PSMA1: variants seen among roughly 807,000 people sequenced by gnomAD.
PSMA1 encodes proteasome subunit alpha type-1.
Under a neutral mutation model 38.4 loss-of-function variants are expected in PSMA1, and 3 were observed. The observed-to-expected ratio is 0.08, with a 90% CI of 0.04 to 0.20. The LOEUF (loss-of-function observed/expected upper bound fraction) is 0.20. PSMA1 is among the 10% of genes least tolerant of loss of function. The probability of loss-of-function intolerance (pLI) is 1.00; values close to 1 mark genes in which losing one functional copy is unlikely to be tolerated. For missense variants in PSMA1, 227 were observed against 325.3 expected (o/e 0.70, Z 2.32); for synonymous variants, 101 against 107.1 (o/e 0.94, Z 0.35).
At chr11:14,629,397 T>G in intron 1 of PSMA1, among the ~76,000 whole-genome samples, 1 of 152,308 alleles carries the variant, frequency 6.6e-6, no homozygotes, top group Middle Eastern at 3.4e-3. Flanking sequence ...GCTAGCCAGT[T>G]TTTCCAGCAC....
chr11:14,605,521 C>T (rs1280473506), intron 2 of PSMA1, among the ~76,000 whole-genome samples: 4 of 152,050 alleles, frequency 2.6e-5, no homozygotes, highest in African/African-American at 9.7e-5. Flanking sequence ...GTAGCTAGGA[C>T]TACAGGCATG....
chr11:14,623,238 G>A (rs921431557), intron 1 of PSMA1, among the ~76,000 whole-genome samples: 3 of 152,176 alleles, frequency 2.0e-5, no homozygotes, highest in Non-Finnish European at 4.4e-5. Context: ...ATGGCCATAT[G>A]GGGGCCCCGT....
intron 7 of PSMA1, 184 bp downstream of exon 7, chr11:14,513,385 TG>T: frequency 3.4e-6 from 2 of 581,052 alleles, no homozygotes. Context: ...GAAACTACTG[TG>T]GTAACCAGAA....
At chr11:14,575,990 T>A (rs1344862137) in intron 2 of PSMA1, among the ~76,000 whole-genome samples, 1 of 152,208 alleles carries the variant, frequency 6.6e-6, no homozygotes, top group East Asian at 1.9e-4. Flanking sequence ...TGGTTTTGAT[T>A]TGTATTTCTC....
chr11:14,518,258 C>T (rs547657252), intron 2 of PSMA1, among the ~76,000 whole-genome samples: 2 of 152,102 alleles, frequency 1.3e-5, no homozygotes, highest in East Asian at 1.9e-4. Context: ...AGCACCACCA[C>T]GCCCAGCTAA....
At chr11:14,642,338 A>AT (rs1294084037) in intron 1 of PSMA1, among the ~76,000 whole-genome samples, 12 of 145,162 alleles carry the variant, frequency 8.3e-5, no homozygotes, top group African/African-American at 3.0e-4. Flanking sequence ...TGAAATGAGC[A>AT]TTTTTTTTCT....
chr11:14,577,285 G>A (rs1402243879), intron 2 of PSMA1, among the ~76,000 whole-genome samples: 2 of 152,114 alleles, frequency 1.3e-5, no homozygotes, highest in Admixed American at 6.5e-5. Context: ...TTCTGTAGTG[G>A]TACAGATGAG....
chr11:14,540,967 A>T (rs910367918), intron 2 of PSMA1, among the ~76,000 whole-genome samples: 9 of 152,276 alleles, frequency 5.9e-5, no homozygotes, highest in Middle Eastern at 3.4e-3. Flanking sequence ...GAGGGATAGC[A>T]TTCGGAGATA....
chr11:14,532,612 A>T (rs1448241649), intron 2 of PSMA1, among the ~76,000 whole-genome samples: 2 of 150,968 alleles, frequency 1.3e-5, no homozygotes, highest in African/African-American at 4.9e-5. Context: ...CTCAAAAAAA[A>T]AAAAAAAGGG....
intron 2 of PSMA1, among the ~76,000 whole-genome samples, chr11:14,537,625 A>G (rs1028208809): frequency 2.6e-5 from 4 of 151,404 alleles, no homozygotes; most frequent in Middle Eastern, 3.4e-3. Flanking sequence ...TTAATTATAA[A>G]TATAACATTA....
chr11:14,614,170 A>G (rs1852742088), intron 1 of PSMA1, among the ~76,000 whole-genome samples: 1 of 152,176 alleles, frequency 6.6e-6, no homozygotes, highest in Admixed American at 6.5e-5. Context: ...CTCAGTTTTA[A>G]AAACTGAGGG....
intron 2 of PSMA1, among the ~76,000 whole-genome samples, chr11:14,533,830 G>A (rs1648825813): frequency 6.6e-6 from 1 of 152,072 alleles, no homozygotes; most frequent in African/African-American, 2.4e-5. Flanking sequence ...AAAATCTGAA[G>A]TCTAGATACT....
At chr11:14,622,846 G>C (rs1034970564) in intron 1 of PSMA1, among the ~76,000 whole-genome samples, 1 of 152,130 alleles carries the variant, frequency 6.6e-6, no homozygotes, top group Non-Finnish European at 1.5e-5. Flanking sequence ...AACATGCAGT[G>C]TCTTACGGCA....
At chr11:14,593,894 C>G (rs1040016158) in intron 2 of PSMA1, among the ~76,000 whole-genome samples, 3 of 152,186 alleles carry the variant, frequency 2.0e-5, no homozygotes, top group Non-Finnish European at 2.9e-5. Flanking sequence ...CACCCTCAGG[C>G]CCTTAGCCTG....
At chr11:14,554,793 A>C (rs1851925228) in intron 2 of PSMA1, among the ~76,000 whole-genome samples, 1 of 152,172 alleles carries the variant, frequency 6.6e-6, no homozygotes, top group Admixed American at 6.5e-5. Flanking sequence ...CATTGTTCTA[A>C]GTACTTCACA....
At chr11:14,585,027 G>A (rs1029281449) in intron 2 of PSMA1, among the ~76,000 whole-genome samples, 5 of 152,212 alleles carry the variant, frequency 3.3e-5, no homozygotes, top group Non-Finnish European at 7.3e-5. Flanking sequence ...GGTTATAGAA[G>A]ATATTCATGT....
chr11:14,576,065 GA>G (rs1318741318), intron 2 of PSMA1, among the ~76,000 whole-genome samples: 1 of 152,166 alleles, frequency 6.6e-6, no homozygotes. Flanking sequence ...CTTCTTTTGA[GA>G]AGTGTCTGTT....
intron 2 of PSMA1, among the ~76,000 whole-genome samples, chr11:14,582,460 AAACAACAAC>A (rs61191715): frequency 6.6e-6 from 1 of 151,490 alleles, no homozygotes; most frequent in Admixed American, 6.6e-5. Flanking sequence ...AGCAAAAACA[AAACAACAAC>A]AACAACAACA....
At chr11:14,544,119 T>C (rs888168283) in intron 2 of PSMA1, among the ~76,000 whole-genome samples, 1 of 152,216 alleles carries the variant, frequency 6.6e-6, no homozygotes, top group Non-Finnish European at 1.5e-5. Context: ...TGCCTCGACC[T>C]CCTGGGCTCA....
Sources: allele counts gnomAD v4.1 joint callset (sites outside exome capture counted in the v4.1 genomes callset), GRCh38; gene constraint gnomAD v4.1.1; transcripts MANE v1.5; gene names NCBI Gene and HGNC (gene_info 2026-07-23, HGNC 2026-07-21).